ARHGAP40: variants seen among roughly 807,000 people sequenced by gnomAD.
ARHGAP40 encodes rho GTPase-activating protein 40.
A neutral mutation model predicts 73.5 loss-of-function variants in ARHGAP40; 43 were observed. The observed-to-expected ratio is 0.58, with a 90% confidence interval of 0.46 to 0.75. The LOEUF (loss-of-function observed/expected upper bound fraction) is 0.75, where lower values mean the gene tolerates loss of function less well. Ranked by LOEUF, ARHGAP40 falls within the 30% of genes least tolerant of loss-of-function variation. The probability of loss-of-function intolerance (pLI) is 0.00; values close to 1 mark genes in which losing one functional copy is unlikely to be tolerated. For synonymous variants in ARHGAP40, 300 were observed against 352.8 expected, an observed-to-expected ratio of 0.85 and a Z score of 1.68; for missense variants, 734 against 861.8, an observed-to-expected ratio of 0.85 and a Z score of 1.86.
At chr20:38,639,233 G>A (rs1411005228) in exon 9 of ARHGAP40, 2 of 1,305,342 alleles carry the variant, frequency 1.5e-6, no homozygotes, top group Non-Finnish European at 2.0e-6. Context: ...GTAGGGGCTG[G>A]AACAGAAACT....
intron 13 of ARHGAP40, 55 bp downstream of exon 13, chr20:38,647,181 C>A: frequency 7.2e-6 from 9 of 1,252,606 alleles, no homozygotes; most frequent in East Asian, 5.7e-5. Flanking sequence ...GGGCTCTGCA[C>A]CCCAGAGCTG....
At chr20:38,601,996 G>A in exon 1 of ARHGAP40, 1 of 1,287,666 alleles carries the variant, frequency 7.8e-7, no homozygotes, top group Non-Finnish European at 1.0e-6. Context: ...TGGCCCCAGG[G>A]CCCCTAGCCT....
rs71330431 is a variant in ARHGAP40, at chr20:38,603,407, GTCTATCTATCTATCTA to G, written c.137+1370_137+1385del. On this transcript the variant is annotated intron_variant, in intron 1 of 14. Transcript: ENST00000373345. Reference sequence around the variant, plus strand: ...AAGCCAAAGACAAGTTTGTTTATCTGTCTATCTATCTATCTATCTATCTATCTATCTATCTATCTAT... The same window carrying G: ...AAGCCAAAGACAAGTTTGTTTATCTGTCTATCTATCTATCTATCTATCTAT... Among the ~76,000 whole-genome samples, 1,067 of 129,568 alleles carry G rather than the reference GTCTATCTATCTATCTA, an allele frequency of 8.2e-3. 7 individuals are homozygous for G. Among genetic ancestry groups the G allele is most frequent in the African/African-American group, 0.015 (574 of 38,870 alleles). 85.0% of individuals were successfully genotyped at this position (129,568 alleles called of 152,430 possible). A position where few individuals can be genotyped will look rare whatever the true frequency, so the allele number is the denominator to read the frequency against.
intron 6 of ARHGAP40, 66 bp from the exon 7 acceptor site, chr20:38,637,642 T>G (rs1035397537): frequency 3.0e-5 from 36 of 1,210,350 alleles, no homozygotes; most frequent in Admixed American, 9.2e-5. Context: ...CAGGAGATCC[T>G]GTAGGTCGGA....
chr20:38,647,181 C>T (rs2089059887), intron 13 of ARHGAP40, 55 bp downstream of exon 13: 2 of 1,252,606 alleles, frequency 1.6e-6, no homozygotes, highest in East Asian at 1.1e-4. Context: ...GGGCTCTGCA[C>T]CCCAGAGCTG....
chr20:38,618,375 G>A (rs571119693), intron 1 of ARHGAP40, among the ~76,000 whole-genome samples: 1 of 152,278 alleles, frequency 6.6e-6, no homozygotes, highest in Non-Finnish European at 1.5e-5. Context: ...CCAAAGTGCT[G>A]GGATTACAGG....
chr20:38,649,874 G>T (rs760337031), exon 15 of ARHGAP40: 98 of 1,288,340 alleles, frequency 7.6e-5, no homozygotes, highest in Admixed American at 2.3e-5. Flanking sequence ...GGAGCAGCCT[G>T]GATGCCTCCT....
chr20:38,643,847 G>T (rs936654437), exon 11 of ARHGAP40: 2 of 1,305,328 alleles, frequency 1.5e-6, no homozygotes, highest in Non-Finnish European at 2.0e-6. Context: ...AGGAGAAGCA[G>T]CTGGCAGAAG....
intron 6 of ARHGAP40, among the ~76,000 whole-genome samples, 152 bp from the exon 7 acceptor site, chr20:38,637,556 G>A (rs1338351443): frequency 6.6e-6 from 1 of 152,162 alleles, no homozygotes; most frequent in African/African-American, 2.4e-5. Flanking sequence ...TTCTGCTCAA[G>A]AGGAGCGGTT....
intron 1 of ARHGAP40, among the ~76,000 whole-genome samples, chr20:38,604,397 G>GAT (rs2088758706): frequency 7.2e-6 from 1 of 138,644 alleles, no homozygotes. Flanking sequence ...GAACAGTGGT[G>GAT]TTTTTTTTTT....
At chr20:38,611,988 C>T (rs918159827) in intron 1 of ARHGAP40, among the ~76,000 whole-genome samples, 10 of 150,878 alleles carry the variant, frequency 6.6e-5, no homozygotes, top group Non-Finnish European at 1.2e-4. Flanking sequence ...CCTCCCAAAA[C>T]GCTGGGACTA....
chr20:38,629,868 T>C (rs939532758), intron 5 of ARHGAP40, among the ~76,000 whole-genome samples: 1 of 152,192 alleles, frequency 6.6e-6, no homozygotes, highest in African/African-American at 2.4e-5. Flanking sequence ...CAGTATTGTC[T>C]CCATGCTCTT....
intron 10 of ARHGAP40, among the ~76,000 whole-genome samples, chr20:38,642,016 C>A (rs759829447): frequency 5.3e-5 from 8 of 152,164 alleles, no homozygotes; most frequent in African/African-American, 9.7e-5. Flanking sequence ...GTGGGCACTG[C>A]AGAGCGTCAG....
exon 9 of ARHGAP40, chr20:38,639,375 C>T (rs1477932864): frequency 7.7e-7 from 1 of 1,305,524 alleles, no homozygotes; most frequent in Non-Finnish European, 1.0e-6. Flanking sequence ...CCGGCCTTCG[C>T]CGTGGTGCCT....
rs369165182 is a variant in ARHGAP40 at position 38,631,447 on chromosome 20, G to A, written c.783+1797G>A. On this transcript the variant is annotated intron_variant, in intron 5 of 14. Transcript: ENST00000373345. Reference sequence around the variant, plus strand: ...AATCATGGTGGAAGGTGAAAGGCACGTCTCATGTGGCAGCAGACAAGAGAA... The same window carrying A: ...AATCATGGTGGAAGGTGAAAGGCACATCTCATGTGGCAGCAGACAAGAGAA... Among the ~76,000 whole-genome samples the A allele has an allele frequency of 2.2e-3, 342 of 152,240 alleles. 3 individuals carry two copies. Among genetic ancestry groups the A allele is most frequent in the African/African-American group, 6.5e-3 (268 of 41,546 alleles).
At chr20:38,630,141 C>G (rs2088929358) in intron 5 of ARHGAP40, among the ~76,000 whole-genome samples, 1 of 135,318 alleles carries the variant, frequency 7.4e-6, no homozygotes, top group Non-Finnish European at 1.6e-5. Flanking sequence ...TCTTTCTCCT[C>G]CCTCCTTCCC....
intron 11 of ARHGAP40, among the ~76,000 whole-genome samples, chr20:38,645,792 AG>A (rs2089047861): frequency 1.3e-5 from 2 of 152,096 alleles, no homozygotes; most frequent in Admixed American, 6.5e-5. Flanking sequence ...GCTTCTGTCG[AG>A]GGGACCACTA....
At chr20:38,647,156 T>C (rs1456361256) in intron 13 of ARHGAP40, 30 bp downstream of exon 13, 1 of 1,295,046 alleles carries the variant, frequency 7.7e-7, no homozygotes, top group South Asian at 1.3e-5. Flanking sequence ...GGCAGGAGCC[T>C]CTTCCCTGCA....
At chr20:38,611,894 AT>A (rs201504358) in intron 1 of ARHGAP40, among the ~76,000 whole-genome samples, 9 of 143,440 alleles carry the variant, frequency 6.3e-5, no homozygotes, top group Admixed American at 2.1e-4. Flanking sequence ...AATTTTTGTA[AT>A]TTTTTTTTTG....
Sources: allele counts gnomAD v4.1 joint callset (sites outside exome capture counted in the v4.1 genomes callset), GRCh38; gene constraint gnomAD v4.1.1; transcripts MANE v1.5; gene names NCBI Gene and HGNC (gene_info 2026-07-23, HGNC 2026-07-21).